Variants in OSBPL1A observed in about 807,000 individuals in gnomAD.
OSBPL1A encodes oxysterol-binding protein-related protein 1.
Under a neutral mutation model 137.1 loss-of-function variants are expected in OSBPL1A, and 80 were observed. The observed-to-expected ratio is 0.58, with a 90% CI of 0.49 to 0.70. The LOEUF (loss-of-function observed/expected upper bound fraction) is 0.70. OSBPL1A is among the 30% of genes least tolerant of loss of function. OSBPL1A has a pLI of 0.00. For synonymous variants in OSBPL1A, 365 were observed against 389.7 expected (o/e 0.94, Z 0.75); for missense variants, 970 against 1,129.4 (o/e 0.86, Z 2.02).
intron 23 of OSBPL1A, 161 bp from the exon 24 acceptor site, chr18:24,170,614 C>G (rs574651743): frequency 1.5e-6 from 1 of 681,254 alleles, no homozygotes; most frequent in African/African-American, 1.8e-5. Context: ...AGGGTGGCAT[C>G]GCCATAGACT....
intron 4 of OSBPL1A, among the ~76,000 whole-genome samples, chr18:24,348,076 G>T (rs1460337866): frequency 6.6e-6 from 1 of 151,968 alleles, no homozygotes; most frequent in African/African-American, 2.4e-5. Context: ...TACCTGAAAG[G>T]GTAAGTTTGA....
chr18:24,253,448 C>T (rs1048437749), intron 15 of OSBPL1A, among the ~76,000 whole-genome samples: 4 of 152,152 alleles, frequency 2.6e-5, no homozygotes, highest in African/African-American at 9.7e-5. Flanking sequence ...GCCCAATGGG[C>T]TCACCTTGCC....
chr18:24,252,153 T>G (rs140947044), intron 15 of OSBPL1A, among the ~76,000 whole-genome samples: 1 of 152,262 alleles, frequency 6.6e-6, no homozygotes, highest in East Asian at 1.9e-4. Flanking sequence ...AGAAAGTTTA[T>G]GCAAATGGAT....
chr18:24,273,621 A>G (rs117315247), intron 15 of OSBPL1A, among the ~76,000 whole-genome samples: 3,820 of 152,326 alleles, frequency 0.025, 85 homozygotes, highest in Admixed American at 0.059. Context: ...TTCATTATTC[A>G]TTCATTCAAA....
At chr18:24,215,545 T>C (rs929379275) in intron 17 of OSBPL1A, among the ~76,000 whole-genome samples, 3 of 152,176 alleles carry the variant, frequency 2.0e-5, no homozygotes, top group Non-Finnish European at 4.4e-5. Context: ...TTTTTATTAT[T>C]ATATATGGTG....
At chr18:24,333,191 C>G in intron 6 of OSBPL1A, 105 bp from the exon 7 acceptor site, 1 of 1,260,338 alleles carries the variant, frequency 7.9e-7, no homozygotes, top group Non-Finnish European at 1.1e-6. Flanking sequence ...TAGCCAAGCT[C>G]CTTGGCATCC....
At chr18:24,355,933 T>G (rs2091526286) in intron 4 of OSBPL1A, among the ~76,000 whole-genome samples, 1 of 146,414 alleles carries the variant, frequency 6.8e-6, no homozygotes, top group African/African-American at 2.5e-5. Context: ...TGCAGTGAGC[T>G]GAGATCATGC....
chr18:24,284,126 G>A (rs759594776), intron 14 of OSBPL1A, among the ~76,000 whole-genome samples: 12 of 152,004 alleles, frequency 7.9e-5, no homozygotes, highest in Non-Finnish European at 1.5e-4. Context: ...AAGAATTGCC[G>A]AACCTTGCCG....
intron 1 of OSBPL1A, among the ~76,000 whole-genome samples, chr18:24,383,542 G>A (rs906144737): frequency 6.6e-6 from 1 of 152,236 alleles, no homozygotes; most frequent in Non-Finnish European, 1.5e-5. Flanking sequence ...CGGATCACAA[G>A]GTCAAAAGAT....
At chr18:24,302,701 G>T (rs1232125321) in intron 14 of OSBPL1A, 1 of 152,180 alleles carries the variant, frequency 6.6e-6, no homozygotes, top group Admixed American at 6.5e-5. Context: ...GATTACAGGT[G>T]TGAGCCACAG....
At chr18:24,362,284 G>A (rs778099673) in intron 4 of OSBPL1A, among the ~76,000 whole-genome samples, 1 of 151,960 alleles carries the variant, frequency 6.6e-6, no homozygotes, top group South Asian at 2.1e-4. Context: ...CAGGCAAATC[G>A]AGCCATCTGC....
chr18:24,235,322 A>G (rs527843802), intron 16 of OSBPL1A, among the ~76,000 whole-genome samples: 7 of 152,336 alleles, frequency 4.6e-5, no homozygotes, highest in South Asian at 4.1e-4. Context: ...TACATTACAA[A>G]TATGTATTAG....
At chr18:24,181,333 CTATTGT>C in intron 18 of OSBPL1A, 54 bp from the exon 19 acceptor site, 1 of 1,549,572 alleles carries the variant, frequency 6.5e-7, no homozygotes, top group South Asian at 1.2e-5. Flanking sequence ...ACAAACAAAC[CTATTGT>C]TATCTTTACA....
At chr18:24,200,353 G>A (rs2087181662) in intron 17 of OSBPL1A, among the ~76,000 whole-genome samples, 1 of 152,046 alleles carries the variant, frequency 6.6e-6, no homozygotes, top group African/African-American at 2.4e-5. Flanking sequence ...CACAAGGTCT[G>A]GAGTTCGAGA....
At chr18:24,343,410 T>C (rs981808941) in intron 4 of OSBPL1A, among the ~76,000 whole-genome samples, 1 of 152,156 alleles carries the variant, frequency 6.6e-6, no homozygotes, top group Non-Finnish European at 1.5e-5. Flanking sequence ...CCCAAAGCTA[T>C]CTACAGATTC....
At chr18:24,190,120 G>C (rs986795338) in intron 18 of OSBPL1A, among the ~76,000 whole-genome samples, 1 of 152,130 alleles carries the variant, frequency 6.6e-6, no homozygotes, top group African/African-American at 2.4e-5. Context: ...CCTCCTGCTA[G>C]GGGACTTCAT....
intron 15 of OSBPL1A, among the ~76,000 whole-genome samples, chr18:24,264,175 C>T (rs760986284): frequency 2.0e-5 from 3 of 151,932 alleles, no homozygotes; most frequent in Non-Finnish European, 4.4e-5. Context: ...GGATGAACCA[C>T]AAACCAGGCT....
chr18:24,263,639 A>G (rs1296171838), intron 15 of OSBPL1A, among the ~76,000 whole-genome samples: 3 of 152,048 alleles, frequency 2.0e-5, no homozygotes, highest in African/African-American at 7.2e-5. Context: ...TATATTCCCA[A>G]CACTTCATTT....
chr18:24,313,655 T>TA (rs1346348358), intron 12 of OSBPL1A, among the ~76,000 whole-genome samples: 1 of 152,150 alleles, frequency 6.6e-6, no homozygotes, highest in Non-Finnish European at 1.5e-5. Flanking sequence ...TCCTCACCTA[T>TA]AAGTTAAGGC....
Sources: gnomAD v4.1 joint callset for allele counts (sites outside exome capture counted in the v4.1 genomes callset) on GRCh38, gnomAD v4.1.1 for gene constraint, MANE v1.5 for transcripts, NCBI Gene and HGNC (gene_info 2026-07-23, HGNC 2026-07-21) for gene names.